The following DCLK1 variants were observed in gnomAD, a reference collection of about 807,000 sequenced individuals.
DCLK1 encodes the protein serine/threonine-protein kinase DCLK1.
In DCLK1, 16 loss-of-function variants were observed where a neutral mutation model predicts 86.2. That is an observed-to-expected ratio of 0.19 (90% CI 0.13 to 0.28). The LOEUF (loss-of-function observed/expected upper bound fraction) is 0.28, where lower values mean the gene tolerates loss of function less well. Among genes scored for constraint, DCLK1 ranks in the 10% least tolerant of loss-of-function variants. DCLK1 has a pLI of 1.00. For synonymous variants in DCLK1, 369 were observed against 370.5 expected (o/e 1.00, Z 0.05); for missense variants, 590 against 940.2 (o/e 0.63, Z 4.87).
At chr13:36,018,386 C>G (rs971244513) in intron 3 of DCLK1, among the ~76,000 whole-genome samples, 1 of 152,114 alleles carries the variant, frequency 6.6e-6, no homozygotes, top group Admixed American at 6.5e-5. Context: ...TTTTCTTGTG[C>G]AGTTTATAAC....
At chr13:35,803,542 C>T (rs543938468) in intron 15 of DCLK1, among the ~76,000 whole-genome samples, 3 of 152,112 alleles carry the variant, frequency 2.0e-5, no homozygotes, top group Non-Finnish European at 2.9e-5. Flanking sequence ...TATATAACCT[C>T]CCAGTGGAGT....
intron 4 of DCLK1, among the ~76,000 whole-genome samples, chr13:35,936,511 G>C (rs1316950559): frequency 6.6e-6 from 1 of 152,246 alleles, no homozygotes; most frequent in Non-Finnish European, 1.5e-5. Context: ...TTCTTTAAGA[G>C]AGAGCCTTGC....
At chr13:35,802,497 T>C (rs1387551594) in intron 15 of DCLK1, among the ~76,000 whole-genome samples, 1 of 152,158 alleles carries the variant, frequency 6.6e-6, no homozygotes, top group African/African-American at 2.4e-5. Flanking sequence ...AATTTGACAA[T>C]TTATGGATGG....
At chr13:35,880,330 G>A (rs540756219) in intron 4 of DCLK1, among the ~76,000 whole-genome samples, 8 of 152,316 alleles carry the variant, frequency 5.3e-5, no homozygotes, top group African/African-American at 1.9e-4. Flanking sequence ...CTTCCACATT[G>A]CTGTGTGCGA....
rs928469416 is a variant in DCLK1, at chr13:35,807,831, A to G, written c.1863+393T>C. 6.6e-5 allele frequency among the ~76,000 whole-genome samples: 10 copies of G among 152,214 alleles called. No homozygotes were observed. In the East Asian group the frequency reaches 7.7e-4, roughly 12 times the overall value. ...AGCCAGGTAAGGTTTAAGAGATGCA[A>G]TTGGAACCAGGATGGTCTGGGAAGG... On this transcript the variant is annotated intron_variant, in intron 14 of 16. Coordinates refer to ENST00000360631, the MANE Select transcript of DCLK1 (RefSeq NM_001330071.2).
chr13:36,090,601 A>T (rs1227937054), intron 3 of DCLK1, among the ~76,000 whole-genome samples: 1 of 152,176 alleles, frequency 6.6e-6, no homozygotes, highest in East Asian at 1.9e-4. Context: ...GAGAGGAAAG[A>T]GACAGGAAGC....
intron 4 of DCLK1, among the ~76,000 whole-genome samples, chr13:35,886,898 T>C (rs1873301356): frequency 6.6e-6 from 1 of 152,066 alleles, no homozygotes; most frequent in Admixed American, 6.5e-5. Flanking sequence ...GACTAAAAGG[T>C]AAATTTCTAG....
intron 8 of DCLK1, among the ~76,000 whole-genome samples, chr13:35,832,543 G>A (rs1325795967): frequency 6.6e-6 from 1 of 152,136 alleles, no homozygotes; most frequent in African/African-American, 2.4e-5. Context: ...CCCCAGAAGT[G>A]CCCAGCATAA....
At chr13:36,110,057 T>C (rs73527302) in intron 3 of DCLK1, among the ~76,000 whole-genome samples, 1 of 152,186 alleles carries the variant, frequency 6.6e-6, no homozygotes, top group African/African-American at 2.4e-5. Flanking sequence ...TTTATCCATA[T>C]GTATTCTTTG....
At chr13:35,986,072 G>A (rs1879888362) in intron 3 of DCLK1, among the ~76,000 whole-genome samples, 1 of 152,034 alleles carries the variant, frequency 6.6e-6, no homozygotes, top group Non-Finnish European at 1.5e-5. Context: ...GGGAGGTCGA[G>A]GCAGGCAGAT....
At chr13:36,015,259 T>A (rs897535501) in intron 3 of DCLK1, among the ~76,000 whole-genome samples, 1 of 152,190 alleles carries the variant, frequency 6.6e-6, no homozygotes, top group Admixed American at 6.5e-5. Flanking sequence ...AGCTTTCCTG[T>A]TTAGCTTGAG....
At chr13:36,047,921 GA>G (rs1259605486) in intron 3 of DCLK1, among the ~76,000 whole-genome samples, 2 of 152,102 alleles carry the variant, frequency 1.3e-5, no homozygotes, top group Non-Finnish European at 2.9e-5. Context: ...TCGCACCACT[GA>G]ACTCCAGCGT....
chr13:35,803,571 A>T (rs2086964725), intron 15 of DCLK1, among the ~76,000 whole-genome samples: 2 of 152,158 alleles, frequency 1.3e-5, no homozygotes, highest in Admixed American at 6.5e-5. Flanking sequence ...TCACATTCAG[A>T]CATGTAGAAT....
At chr13:36,101,243 T>C (rs1885207266) in intron 3 of DCLK1, among the ~76,000 whole-genome samples, 1 of 152,220 alleles carries the variant, frequency 6.6e-6, no homozygotes, top group Non-Finnish European at 1.5e-5. Flanking sequence ...GTTTCCACAG[T>C]GTTTGTTCAG....
chr13:35,808,946 G>T, intron 13 of DCLK1, 72 bp downstream of exon 13: 1 of 1,346,228 alleles, frequency 7.4e-7, no homozygotes, highest in Non-Finnish European at 1.0e-6. Flanking sequence ...CTTTGTGCAA[G>T]AAGGGCTAAT....
chr13:35,959,754 G>A (rs61948262), intron 3 of DCLK1, among the ~76,000 whole-genome samples: 53,344 of 151,666 alleles, frequency 0.35, 10,562 homozygotes, highest in Admixed American at 0.44. Flanking sequence ...ACCAGCTTCC[G>A]GACACTTCAG....
At chr13:35,967,808 T>C (rs1170983) in intron 3 of DCLK1, among the ~76,000 whole-genome samples, 46,546 of 150,146 alleles carry the variant, frequency 0.31, 8,042 homozygotes, top group East Asian at 0.57. Flanking sequence ...CCGAGAAACA[T>C]CCAAGAATGA....
chr13:35,975,176 C>T (rs542167989), intron 3 of DCLK1, among the ~76,000 whole-genome samples: 1 of 152,286 alleles, frequency 6.6e-6, no homozygotes, highest in African/African-American at 2.4e-5. Context: ...TGCCTAGATC[C>T]AGGAGCAGGA....
chr13:35,893,429 T>C lies in DCLK1; in HGVS notation c.824-22089A>G, dbSNP rs377198111. Among the ~76,000 whole-genome samples the C allele has an allele frequency of 7.7e-4, 118 of 152,360 alleles. 1 individual carries two copies. The South Asian group carries it at 0.024, about 31-fold the overall frequency. On this transcript the variant is annotated intron_variant, in intron 4 of 16. Coordinates refer to ENST00000360631, the MANE Select transcript of DCLK1 (RefSeq NM_001330071.2). ...CAAAGTCATCAATAGCTACCATTTATTGAGCACTTCCTGTGTGCCAGTCAC... is the reference window on the plus strand; with the variant it reads ...CAAAGTCATCAATAGCTACCATTTACTGAGCACTTCCTGTGTGCCAGTCAC...
Sources: gnomAD v4.1 joint callset for allele counts (sites outside exome capture counted in the v4.1 genomes callset) on GRCh38, gnomAD v4.1.1 for gene constraint, MANE v1.5 for transcripts, NCBI Gene and HGNC (gene_info 2026-07-23, HGNC 2026-07-21) for gene names.